Variants in FOSL2 observed in about 807,000 individuals in gnomAD.
FOSL2 encodes fos-related antigen 2.
A neutral mutation model predicts 27.7 loss-of-function variants in FOSL2; 3 were observed. The observed-to-expected ratio is 0.11, with a 90% CI of 0.05 to 0.28. FOSL2 has a LOEUF of 0.28. Among genes scored for constraint, FOSL2 ranks in the 10% least tolerant of loss-of-function variants. The pLI, the probability that FOSL2 is intolerant of heterozygous loss-of-function variation, is 1.00. For missense variants in FOSL2, 333 were observed against 445.1 expected (o/e 0.75, Z 2.27); for synonymous variants, 179 against 190.1 (o/e 0.94, Z 0.48).
At chr2:28,397,580 C>T (rs761324444) in intron 1 of FOSL2, among the ~76,000 whole-genome samples, 8 of 152,214 alleles carry the variant, frequency 5.3e-5, no homozygotes, top group Non-Finnish European at 8.8e-5. Flanking sequence ...CTATCCAAAA[C>T]GCTGAGTGCA....
In FOSL2 at chr2:28,413,855, ATCTT is replaced by A; in HGVS notation, c.*1411_*1414del. The A allele has an allele frequency of 2.5e-6, 1 of 398,746 alleles. No homozygotes were observed. Among genetic ancestry groups the A allele is most frequent in the Non-Finnish European group, 4.4e-6 (1 of 226,200 alleles). 24.7% of individuals were successfully genotyped at this position (398,746 alleles called of 1,614,324 possible). ...TGCGCCATTCCTGGTTGTCTGTTGAATCTTTCTGGCTGCTGGAATTGGAGATAGG... is the reference window on the plus strand; with the variant it reads ...TGCGCCATTCCTGGTTGTCTGTTGAATCTGGCTGCTGGAATTGGAGATAGG... On this transcript the variant is annotated 3_prime_UTR_variant, in exon 4 of 4. Transcript: ENST00000264716.
In FOSL2 at chr2:28,417,042, T is replaced by C. The variant is rs1452063710; in HGVS notation, c.*4594T>C. 1 of 150,420 alleles carries C rather than the reference T, an allele frequency of 6.6e-6. No individual in the cohort carries two copies. The highest frequency in any genetic ancestry group is 1.5e-5 in the Non-Finnish European group (1 of 67,796). The allele number at this position is 150,420 out of a possible 1,614,324, so 9.3% of individuals were successfully genotyped here. A position where few individuals can be genotyped will look rare whatever the true frequency, so the allele number is the denominator to read the frequency against. ...TCCAGGCAGAACCGCAAGCTCAAAATCTTTGTATAGTTTTGAAAATTGAGG... is the reference window on the plus strand; with the variant it reads ...TCCAGGCAGAACCGCAAGCTCAAAACCTTTGTATAGTTTTGAAAATTGAGG... On this transcript the variant is annotated 3_prime_UTR_variant, in exon 4 of 4. Transcript: ENST00000264716.
At chr2:28,406,376 C>A (rs974162102) in intron 2 of FOSL2, among the ~76,000 whole-genome samples, 14 of 152,216 alleles carry the variant, frequency 9.2e-5, no homozygotes, top group African/African-American at 3.4e-4. Flanking sequence ...TCTCCATTCT[C>A]TTCTGGGCCT....
intron 2 of FOSL2, among the ~76,000 whole-genome samples, chr2:28,405,995 G>T (rs1240076692): frequency 6.6e-6 from 1 of 151,900 alleles, no homozygotes; most frequent in African/African-American, 2.4e-5. Context: ...TACTCTTTGG[G>T]GCTAGCAGGA....
In FOSL2 at chr2:28,415,039, C is replaced by T. The variant is rs1404547013; in HGVS notation, c.*2591C>T. The T allele has an allele frequency of 6.6e-6, 1 of 152,316 alleles. No individual in the cohort carries two copies. The highest frequency in any genetic ancestry group is 2.4e-5 in the African/African-American group (1 of 41,444). The allele number at this position is 152,316 out of a possible 1,614,324, so 9.4% of individuals were successfully genotyped here. Reference sequence around the variant, plus strand: ...TTCTCTCTCTCATACACACACACACCCTTGCTCCAGAATCACCAGACACCT... The same window carrying T: ...TTCTCTCTCTCATACACACACACACTCTTGCTCCAGAATCACCAGACACCT... On this transcript the variant is annotated 3_prime_UTR_variant, in exon 4 of 4. Transcript: ENST00000264716.
chr2:28,396,492 T>C (rs899210271), intron 1 of FOSL2, among the ~76,000 whole-genome samples: 3 of 152,118 alleles, frequency 2.0e-5, no homozygotes, highest in African/African-American at 7.2e-5. Context: ...CTCCTAACTT[T>C]CCTAGGAAAA....
At chr2:28,405,790 TGG>T (rs1281770134) in intron 2 of FOSL2, among the ~76,000 whole-genome samples, 7 of 152,250 alleles carry the variant, frequency 4.6e-5, no homozygotes, top group African/African-American at 1.7e-4. Flanking sequence ...CCTCTGCTGC[TGG>T]AGCAAGTGGC....
At chr2:28,410,907 G>A (rs187403500) in intron 3 of FOSL2, among the ~76,000 whole-genome samples, 93 of 152,318 alleles carry the variant, frequency 6.1e-4, no homozygotes, top group African/African-American at 1.8e-3. Flanking sequence ...CCAGCACTTT[G>A]GGAGGCTGAG....
chr2:28,411,003 C>T (rs13423760), intron 3 of FOSL2, among the ~76,000 whole-genome samples: 8,049 of 151,994 alleles, frequency 0.053, 717 homozygotes, highest in African/African-American at 0.18. Flanking sequence ...ACAAAATTAG[C>T]CGGGTGTGGT....
intron 2 of FOSL2, among the ~76,000 whole-genome samples, chr2:28,407,851 G>A (rs971122141): frequency 2.6e-5 from 4 of 152,226 alleles, no homozygotes; most frequent in African/African-American, 9.6e-5. Context: ...CATTTGCCCT[G>A]CTCAGTAGAG....
At chr2:28,406,032 G>A (rs1275465620) in intron 2 of FOSL2, among the ~76,000 whole-genome samples, 1 of 148,862 alleles carries the variant, frequency 6.7e-6, no homozygotes, top group Non-Finnish European at 1.5e-5. Context: ...TGTGCTGAAT[G>A]CTCTCCATTC....
In FOSL2 at chr2:28,392,860, A is replaced by G; in HGVS notation, c.-861A>G. 1 of 715,732 alleles carries G rather than the reference A, an allele frequency of 1.4e-6. No homozygotes were observed. The highest frequency in any genetic ancestry group is 2.6e-6 in the Non-Finnish European group (1 of 383,960). The allele number at this position is 715,732 out of a possible 1,614,324, so 44.3% of individuals were successfully genotyped here. A position where few individuals can be genotyped will look rare whatever the true frequency, so the allele number is the denominator to read the frequency against. ...GTGTGAGTTGAACTCGTGCCATTGT[A>G]GTGACTCATCTCGGGCAGAGCGCTA... is the stretch of plus-strand genomic sequence containing the variant. On this transcript the variant is annotated 5_prime_UTR_variant, in exon 1 of 4. Coordinates refer to ENST00000264716, the MANE Select transcript of FOSL2 (RefSeq NM_005253.4).
chr2:28,401,174 C>T (rs1663963628), intron 1 of FOSL2, among the ~76,000 whole-genome samples: 1 of 151,694 alleles, frequency 6.6e-6, no homozygotes, highest in Admixed American at 6.6e-5. Flanking sequence ...GTGATGGTGA[C>T]CTTCCATTGG....
At chr2:28,395,472 G>C (rs944267784) in intron 1 of FOSL2, 4 of 152,196 alleles carry the variant, frequency 2.6e-5, no homozygotes, top group African/African-American at 9.7e-5. Flanking sequence ...GGACATCAGT[G>C]CCCCAACTGA....
rs1664315745 is a variant in FOSL2 at position 28,416,517 on chromosome 2, T to C, written c.*4069T>C. 2 of 151,788 alleles carry C rather than the reference T, an allele frequency of 1.3e-5. No homozygotes were observed. The highest frequency in any genetic ancestry group is 4.2e-4 in the South Asian group (2 of 4,804). 9.4% of individuals were successfully genotyped at this position (151,788 alleles called of 1,614,324 possible). On this transcript the variant is annotated 3_prime_UTR_variant, in exon 4 of 4. Coordinates refer to ENST00000264716, the MANE Select transcript of FOSL2 (RefSeq NM_005253.4). Reference sequence around the variant, plus strand: ...TAACACATTTTTGTTTCTAAAGTGATTTGTGATTTGTGCTGTATAAACTGT... The same window carrying C: ...TAACACATTTTTGTTTCTAAAGTGACTTGTGATTTGTGCTGTATAAACTGT...
chr2:28,401,272 C>T (rs1047276236), intron 1 of FOSL2, among the ~76,000 whole-genome samples: 1 of 151,950 alleles, frequency 6.6e-6, no homozygotes, highest in African/African-American at 2.4e-5. Flanking sequence ...GAGCCCTGCC[C>T]CAAACCAATT....
rs1656847072 is a variant in FOSL2, at chr2:28,414,807, G to A, written c.*2359G>A. The A allele has an allele frequency of 6.6e-6, 1 of 152,138 alleles. No homozygotes were observed. Among genetic ancestry groups the A allele is most frequent in the African/African-American group, 2.4e-5 (1 of 41,410 alleles). The allele number at this position is 152,138 out of a possible 1,614,324, so 9.4% of individuals were successfully genotyped here. On this transcript the variant is annotated 3_prime_UTR_variant, in exon 4 of 4. Coordinates refer to ENST00000264716, the MANE Select transcript of FOSL2 (RefSeq NM_005253.4). Reference sequence around the variant, plus strand: ...AGATTTCAAGCTGTGTTGGTGTTGGGACCAGCAGAAGGCAAACGTCCAGCC... The same window carrying A: ...AGATTTCAAGCTGTGTTGGTGTTGGAACCAGCAGAAGGCAAACGTCCAGCC...
chr2:28,400,587 A>G (rs1663949330), intron 1 of FOSL2, among the ~76,000 whole-genome samples: 1 of 152,140 alleles, frequency 6.6e-6, no homozygotes, highest in Non-Finnish European at 1.5e-5. Flanking sequence ...GGGATGGGAC[A>G]TTGTTTTCCT....
At chr2:28,399,481 C>T (rs985842634) in intron 1 of FOSL2, among the ~76,000 whole-genome samples, 3 of 152,282 alleles carry the variant, frequency 2.0e-5, no homozygotes, top group Admixed American at 6.5e-5. Context: ...TCCGTGTTTT[C>T]GGCCGTCTTT....
Sources: gnomAD v4.1 joint callset for allele counts (sites outside exome capture counted in the v4.1 genomes callset) on GRCh38, gnomAD v4.1.1 for gene constraint, MANE v1.5 for transcripts, NCBI Gene and HGNC (gene_info 2026-07-23, HGNC 2026-07-21) for gene names.